The following CUX1 variants were observed in gnomAD, a reference collection of about 807,000 sequenced individuals.
The protein encoded by CUX1 is protein CASP.
Under a neutral mutation model 158.8 loss-of-function variants are expected in CUX1, and 31 were observed. That is an observed-to-expected ratio of 0.20 (90% CI 0.15 to 0.26). The LOEUF (loss-of-function observed/expected upper bound fraction) is 0.26. Among genes scored for constraint, CUX1 ranks in the 10% least tolerant of loss-of-function variants. The probability of loss-of-function intolerance (pLI) is 1.00; values close to 1 mark genes in which losing one functional copy is unlikely to be tolerated. For missense variants in CUX1, 1,589 were observed against 2,014.6 expected (o/e 0.79, Z 4.04); for synonymous variants, 879 against 862.1 (o/e 1.02, Z -0.34).
chr7:102,028,740 A>C (rs376210216), intron 3 of CUX1, among the ~76,000 whole-genome samples: 72 of 152,364 alleles, frequency 4.7e-4, no homozygotes, highest in African/African-American at 1.6e-3. Flanking sequence ...GCTACCTGTT[A>C]GCGGGAACAG....
At chr7:102,154,329 T>G (rs436287) in intron 8 of CUX1, 98,222 of 151,688 alleles carry the variant, frequency 0.65, 33,754 homozygotes, top group African/African-American at 0.85. Context: ...TAGAAAATAG[T>G]TCAGGTGCAG....
intron 2 of CUX1, among the ~76,000 whole-genome samples, chr7:101,923,759 T>C (rs1805252730): frequency 6.6e-6 from 1 of 152,248 alleles, no homozygotes; most frequent in African/African-American, 2.4e-5. Context: ...ATCCTGGCTC[T>C]TGTTGGCTGC....
chr7:102,169,117 G>A (rs555050624), intron 9 of CUX1, among the ~76,000 whole-genome samples: 8 of 151,608 alleles, frequency 5.3e-5, no homozygotes, highest in Non-Finnish European at 1.2e-4. Flanking sequence ...GTTTTTAGTA[G>A]AGACGAGGTT....
chr7:102,099,018 GGAA>G (rs1422591609), intron 5 of CUX1, among the ~76,000 whole-genome samples: 20 of 152,028 alleles, frequency 1.3e-4, no homozygotes, highest in African/African-American at 3.9e-4. Context: ...GATAGACCAG[GGAA>G]GAAGAATTGT....
At chr7:101,949,419 C>T (rs554802559) in intron 2 of CUX1, among the ~76,000 whole-genome samples, 2 of 152,178 alleles carry the variant, frequency 1.3e-5, no homozygotes, top group East Asian at 1.9e-4. Flanking sequence ...TATAAGCCAC[C>T]GCACCCAGCC....
At chr7:101,914,028 C>T (rs1406617140) in intron 1 of CUX1, among the ~76,000 whole-genome samples, 3 of 151,894 alleles carry the variant, frequency 2.0e-5, no homozygotes, top group African/African-American at 7.3e-5. Flanking sequence ...CTGTATCCCC[C>T]GTTCCACCAC....
At chr7:101,936,861 C>CA (rs767102592) in intron 2 of CUX1, among the ~76,000 whole-genome samples, 2 of 152,216 alleles carry the variant, frequency 1.3e-5, no homozygotes, top group Admixed American at 1.3e-4. Context: ...TCCAGGCACG[C>CA]AGGAGCTCCC....
intron 1 of CUX1, among the ~76,000 whole-genome samples, chr7:101,882,439 T>C (rs2131570262): frequency 6.6e-6 from 1 of 152,196 alleles, no homozygotes; most frequent in South Asian, 2.1e-4. Flanking sequence ...AAAATGAAAA[T>C]TTGTGATGAC....
intron 2 of CUX1, among the ~76,000 whole-genome samples, chr7:101,963,410 C>T (rs924536304): frequency 1.3e-5 from 2 of 152,156 alleles, no homozygotes; most frequent in Non-Finnish European, 2.9e-5. Flanking sequence ...GCGTGGCTCC[C>T]GTCCCCGGGC....
chr7:102,008,710 A>G (rs998032032), intron 2 of CUX1, among the ~76,000 whole-genome samples: 38 of 93,560 alleles, frequency 4.1e-4, no homozygotes, highest in East Asian at 2.9e-3. Context: ...CCTGACCTTG[A>G]CTAGGACAGG....
chr7:102,129,145 T>C (rs1832954748), intron 8 of CUX1, among the ~76,000 whole-genome samples: 1 of 152,192 alleles, frequency 6.6e-6, no homozygotes, highest in Non-Finnish European at 1.5e-5. Flanking sequence ...TTAAGAATTA[T>C]GTCGCTTTCC....
chr7:102,268,835 AAC>A, intron 14 of CUX1, among the ~76,000 whole-genome samples: 1 of 151,372 alleles, frequency 6.6e-6, no homozygotes, highest in Non-Finnish European at 1.5e-5. Flanking sequence ...ACGCTCCTTA[AAC>A]AACCAGATCC....
At chr7:102,071,188 G>A (rs1238894623) in intron 4 of CUX1, among the ~76,000 whole-genome samples, 1 of 152,124 alleles carries the variant, frequency 6.6e-6, no homozygotes, top group African/African-American at 2.4e-5. Context: ...CGAACTCCTG[G>A]GCTCAAGCTA....
intron 1 of CUX1, among the ~76,000 whole-genome samples, chr7:101,903,780 A>T (rs1458352841): frequency 6.6e-6 from 1 of 152,040 alleles, no homozygotes; most frequent in Non-Finnish European, 1.5e-5. Context: ...TGCTTGTTGG[A>T]TACATCTGGC....
intron 8 of CUX1, among the ~76,000 whole-genome samples, chr7:102,138,572 CA>C (rs1834134340): frequency 6.6e-6 from 1 of 152,152 alleles, no homozygotes; most frequent in African/African-American, 2.4e-5. Context: ...ATTTTCTTAT[CA>C]AACTGTACTG....
At chr7:102,217,502 C>T (rs868939468) in intron 20 of CUX1, among the ~76,000 whole-genome samples, 4 of 152,260 alleles carry the variant, frequency 2.6e-5, no homozygotes, top group Non-Finnish European at 5.9e-5. Flanking sequence ...TTCTCCCCAC[C>T]GTACCTTCCC....
chr7:101,931,467 C>A (rs1223404058), intron 2 of CUX1, among the ~76,000 whole-genome samples: 1 of 152,196 alleles, frequency 6.6e-6, no homozygotes, highest in African/African-American at 2.4e-5. Context: ...CTCACAGGAT[C>A]CCTACGAAAC....
intron 1 of CUX1, among the ~76,000 whole-genome samples, chr7:101,855,267 C>G (rs994590966): frequency 6.6e-6 from 1 of 152,222 alleles, no homozygotes; most frequent in Non-Finnish European, 1.5e-5. Flanking sequence ...CTATCTCCTC[C>G]CAAACCCTGT....
chr7:102,185,389 T>C (rs1221058797), intron 11 of CUX1, among the ~76,000 whole-genome samples: 3 of 152,066 alleles, frequency 2.0e-5, no homozygotes, highest in African/African-American at 7.2e-5. Flanking sequence ...AGAAGTCAAG[T>C]CTGGGTGGGT....
Sources: allele counts gnomAD v4.1 joint callset (sites outside exome capture counted in the v4.1 genomes callset), GRCh38; gene constraint gnomAD v4.1.1; transcripts MANE v1.5; gene names NCBI Gene and HGNC (gene_info 2026-07-23, HGNC 2026-07-21).